The following CARMIL1 variants were observed in gnomAD, a reference collection of about 807,000 sequenced individuals.
CARMIL1 encodes the protein F-actin-uncapping protein LRRC16A.
In CARMIL1, 90 loss-of-function variants were observed where a neutral mutation model predicts 177.1. The ratio of observed to expected loss-of-function variants is 0.51; its 90% CI spans 0.43 to 0.61. The LOEUF (loss-of-function observed/expected upper bound fraction) is 0.61, where lower values mean the gene tolerates loss of function less well. Among genes scored for constraint, CARMIL1 ranks in the 20% least tolerant of loss-of-function variants. The pLI is 0.00. For missense variants in CARMIL1, 1,380 were observed against 1,667.0 expected (o/e 0.83, Z 3.00); for synonymous variants, 577 against 606.2 (o/e 0.95, Z 0.71).
Position 25,515,662 on chromosome 6 carries a change from A to C in CARMIL1, c.1633-13A>C. 6.3e-7 allele frequency: 1 copy of C among 1,590,214 alleles called. No homozygotes were observed. Among genetic ancestry groups the C allele is most frequent in the Non-Finnish European group, 8.6e-7 (1 of 1,168,296 alleles). On this transcript the variant is annotated splice_polypyrimidine_tract_variant and intron_variant, in intron 20 of 36. Coordinates refer to ENST00000329474, the MANE Select transcript of CARMIL1 (RefSeq NM_017640.6). The surrounding 1 kb of genome is among the most constrained non-coding windows in gnomAD (Gnocchi z 5.0). The stretch of plus-strand genomic sequence containing the variant: ...ATGAGACTGCTGAGTGCCGTGTGTC[A>C]TTTGCTCCGCAGCCTCTGCAGTCCT...
intron 16 of CARMIL1, among the ~76,000 whole-genome samples, chr6:25,495,538 C>CGT (rs144132253): frequency 0.15 from 22,144 of 144,790 alleles, 1,890 homozygotes; most frequent in East Asian, 0.27. Flanking sequence ...TTCGTTTGTT[C>CGT]GTGTGTGTGT....
chr6:25,382,992 C>A (rs1581748607), intron 2 of CARMIL1, among the ~76,000 whole-genome samples: 1 of 152,140 alleles, frequency 6.6e-6, no homozygotes, highest in Non-Finnish European at 1.5e-5. Context: ...TGAGGGAGGG[C>A]AGTCTGTGAA....
chr6:25,313,383 A>G (rs1219005476), intron 2 of CARMIL1, among the ~76,000 whole-genome samples: 3 of 152,306 alleles, frequency 2.0e-5, no homozygotes, highest in East Asian at 1.9e-4. Flanking sequence ...AGCCTTGCCC[A>G]TAGGCCTGGC....
intron 2 of CARMIL1, among the ~76,000 whole-genome samples, chr6:25,378,643 G>T (rs1180836597): frequency 6.6e-6 from 1 of 152,122 alleles, no homozygotes; most frequent in East Asian, 1.9e-4. Context: ...CAGCTTTAGT[G>T]CTGGGTAGGG....
At chr6:25,472,172 A>G (rs549400971) in intron 10 of CARMIL1, among the ~76,000 whole-genome samples, 13 of 152,170 alleles carry the variant, frequency 8.5e-5, no homozygotes, top group African/African-American at 3.1e-4. Flanking sequence ...TTAATAGCAC[A>G]CAACAGAGTG....
At chr6:25,479,385 A>G (rs973375424) in intron 11 of CARMIL1, 6 of 322,190 alleles carry the variant, frequency 1.9e-5, no homozygotes, top group African/African-American at 1.3e-4. Context: ...TTCTTAAATT[A>G]GTTTTGGTCT....
intron 2 of CARMIL1, among the ~76,000 whole-genome samples, chr6:25,322,866 A>T (rs192252943): frequency 2.0e-5 from 3 of 152,262 alleles, no homozygotes; most frequent in Admixed American, 2.0e-4. Flanking sequence ...CTCATCTTTT[A>T]ACAGAGTGGC....
At chr6:25,456,797 T>A (rs1370033504) in intron 8 of CARMIL1, among the ~76,000 whole-genome samples, 1 of 152,168 alleles carries the variant, frequency 6.6e-6, no homozygotes, top group Non-Finnish European at 1.5e-5. Context: ...CATGCATCAT[T>A]GAGCTTCAAC....
intron 2 of CARMIL1, among the ~76,000 whole-genome samples, chr6:25,297,777 G>T (rs982763730): frequency 6.6e-6 from 1 of 152,190 alleles, no homozygotes; most frequent in Non-Finnish European, 1.5e-5. Context: ...ATGCAGGAAG[G>T]CTTCATGCTC....
rs993606306 is a variant in CARMIL1 at position 25,610,287 on chromosome 6, T to G, written c.3979+106T>G. 3.1e-6 allele frequency: 4 copies of G among 1,288,128 alleles called. No homozygotes were observed. The African/African-American group carries it at 6.1e-5, about 20-fold the overall frequency. The allele number at this position is 1,288,128 out of a possible 1,614,324, so 79.8% of individuals were successfully genotyped here. On this transcript the variant is annotated intron_variant, in intron 36 of 36. Coordinates refer to ENST00000329474, the MANE Select transcript of CARMIL1 (RefSeq NM_017640.6). ...ACTTTACTAATATCTTAGAGTTTGT[T>G]AAAGTCAACATTGCTTGGGTTAAAT...
intron 31 of CARMIL1, among the ~76,000 whole-genome samples, chr6:25,583,871 T>A (rs1813369730): frequency 6.7e-6 from 1 of 148,686 alleles, no homozygotes; most frequent in Non-Finnish European, 1.5e-5. Flanking sequence ...GGTTCTAGGA[T>A]GTTACTGAAT....
chr6:25,372,143 T>C (rs1406892232), intron 2 of CARMIL1, among the ~76,000 whole-genome samples: 1 of 152,258 alleles, frequency 6.6e-6, no homozygotes, highest in Non-Finnish European at 1.5e-5. Context: ...CCGTGCTGTT[T>C]TGGTAACTAT....
Position 25,619,692 on chromosome 6 carries a change from C to A in CARMIL1, c.*109C>A, listed in dbSNP as rs1759580411. 7 of 818,052 alleles carry A rather than the reference C, an allele frequency of 8.6e-6. 1 individual carries two copies. The highest frequency in any genetic ancestry group is 8.4e-5 in the South Asian group (3 of 35,556). 50.7% of individuals were successfully genotyped at this position (818,052 alleles called of 1,614,324 possible). On this transcript the variant is annotated 3_prime_UTR_variant, in exon 37 of 37. Coordinates refer to ENST00000329474, the MANE Select transcript of CARMIL1 (RefSeq NM_017640.6). ...GGCGTTCTTCTCTGGGTGCTTTATT[C>A]TCTTCTTTTTCTTTATTTCGCCCCC...
intron 2 of CARMIL1, among the ~76,000 whole-genome samples, chr6:25,390,669 A>G (rs183633089): frequency 3.9e-5 from 6 of 152,168 alleles, no homozygotes; most frequent in African/African-American, 1.4e-4. Flanking sequence ...ACTCTTTAAA[A>G]AGTCACACTT....
At chr6:25,573,590 CAAAA>C (rs5875051) in intron 29 of CARMIL1, among the ~76,000 whole-genome samples, 7 of 69,980 alleles carry the variant, frequency 1.0e-4, no homozygotes, top group African/African-American at 3.6e-4. Context: ...TACCTCTAAG[CAAAA>C]AAAAAAAAAA....
chr6:25,498,349 A>T (rs941483801), intron 16 of CARMIL1, among the ~76,000 whole-genome samples: 12 of 152,188 alleles, frequency 7.9e-5, no homozygotes, highest in Admixed American at 3.9e-4. Context: ...GTTAAAATAA[A>T]CAACATATTT....
At chr6:25,358,406 G>A (rs1788851830) in intron 2 of CARMIL1, among the ~76,000 whole-genome samples, 1 of 152,096 alleles carries the variant, frequency 6.6e-6, no homozygotes, top group Admixed American at 6.5e-5. Flanking sequence ...GAAAAGAAGT[G>A]GGAATATACA....
intron 24 of CARMIL1, among the ~76,000 whole-genome samples, chr6:25,529,754 CCAAAAAAAAAAAA>C (rs1203322655): frequency 9.4e-5 from 1 of 10,588 alleles, no homozygotes. Flanking sequence ...GACTCCGTCT[CCAAAAAAAAAAAA>C]AAAAAAAAAA....
At chr6:25,538,811 T>A (rs1808583388) in intron 25 of CARMIL1, among the ~76,000 whole-genome samples, 1 of 152,074 alleles carries the variant, frequency 6.6e-6, no homozygotes, top group South Asian at 2.1e-4. Context: ...ACGTTATTAG[T>A]GAACTGAATC....
Sources: gnomAD v4.1 joint callset for allele counts (sites outside exome capture counted in the v4.1 genomes callset) on GRCh38, gnomAD v4.1.1 for gene constraint, Gnocchi (gnomAD v3.1) non-coding constraint, MANE v1.5 for transcripts, NCBI Gene and HGNC (gene_info 2026-07-23, HGNC 2026-07-21) for gene names.